The following NINJ2 variants were observed in gnomAD, a reference collection of about 807,000 sequenced individuals.
NINJ2 encodes ninjurin 2.
In NINJ2, 12 loss-of-function variants were observed where a neutral mutation model predicts 11.7. The observed-to-expected ratio is 1.02, with a 90% CI of 0.66 to 1.66. The LOEUF (loss-of-function observed/expected upper bound fraction) is 1.66. Ranked by LOEUF, NINJ2 falls within the 40% of genes most tolerant of loss-of-function variation. The pLI is 0.00. For missense variants in NINJ2, 187 were observed against 181.8 expected (o/e 1.03, Z -0.16); for synonymous variants, 93 against 76.8 (o/e 1.21, Z -1.10).
At chr12:634,677 C>T (rs1161451840) in intron 1 of NINJ2, among the ~76,000 whole-genome samples, 3 of 152,092 alleles carry the variant, frequency 2.0e-5, no homozygotes, top group East Asian at 1.9e-4. Context: ...AGAGAATGGT[C>T]GTACCCAAGA....
At chr12:635,840 C>G (rs181746184) in intron 1 of NINJ2, among the ~76,000 whole-genome samples, 5 of 152,330 alleles carry the variant, frequency 3.3e-5, no homozygotes, top group African/African-American at 1.2e-4. Flanking sequence ...TTCGGGAGGC[C>G]GAGGCGGGCA....
chr12:593,936 C>T (rs901203410), intron 1 of NINJ2, among the ~76,000 whole-genome samples: 2 of 152,102 alleles, frequency 1.3e-5, no homozygotes, highest in African/African-American at 4.8e-5. Flanking sequence ...TAGAGGGAAA[C>T]TTCCTCAACT....
At chr12:608,422 T>C (rs1311092203) in intron 1 of NINJ2, among the ~76,000 whole-genome samples, 11 of 152,236 alleles carry the variant, frequency 7.2e-5, no homozygotes, top group Admixed American at 3.9e-4. Context: ...TAAGTACATA[T>C]TTTAATTCAT....
At chr12:577,471 G>A (rs907928958) in intron 1 of NINJ2, among the ~76,000 whole-genome samples, 3 of 83,686 alleles carry the variant, frequency 3.6e-5, no homozygotes, top group Non-Finnish European at 9.0e-5. Flanking sequence ...TTGGCTCACT[G>A]CAACCTCCAC....
At position 600,614 on chromosome 12, in the gene NINJ2, A is replaced by G. The variant is rs1947852830; in HGVS notation, c.34-34436T>C. Among the ~76,000 whole-genome samples, 3 of 151,952 alleles carry G rather than the reference A, an allele frequency of 2.0e-5. No individual in the cohort carries two copies. In the South Asian group the frequency reaches 6.2e-4, roughly 32 times the overall value. On this transcript the variant is annotated intron_variant, in intron 1 of 3. Coordinates refer to ENST00000305108, the MANE Select transcript of NINJ2 (RefSeq NM_016533.6). ...GGGTGGAGTGGAGAAACAGTTTGAAATTAGACGGATGGCAAGGCGGGTGGC... is the reference window on the plus strand; with the variant it reads ...GGGTGGAGTGGAGAAACAGTTTGAAGTTAGACGGATGGCAAGGCGGGTGGC...
intron 1 of NINJ2, among the ~76,000 whole-genome samples, chr12:600,558 A>T (rs1406074932): frequency 6.6e-6 from 1 of 152,140 alleles, no homozygotes; most frequent in Non-Finnish European, 1.5e-5. Context: ...CCATCTCAAA[A>T]AATAAATAAA....
intron 1 of NINJ2, among the ~76,000 whole-genome samples, chr12:617,925 C>T (rs924826854): frequency 3.3e-5 from 5 of 152,146 alleles, no homozygotes; most frequent in Non-Finnish European, 5.9e-5. Context: ...TCTCTGGGCA[C>T]TTGGTGCCCA....
At chr12:571,474 C>T (rs936300994) in intron 1 of NINJ2, among the ~76,000 whole-genome samples, 1 of 152,210 alleles carries the variant, frequency 6.6e-6, no homozygotes, top group Non-Finnish European at 1.5e-5. Flanking sequence ...ACAGACCCAG[C>T]GGTTTGCCCC....
At position 611,275 on chromosome 12, in the gene NINJ2, C is replaced by T. The variant is rs561795562; in HGVS notation, c.34-45097G>A. 3.0e-3 allele frequency among the ~76,000 whole-genome samples: 382 copies of T among 128,344 alleles called. 3 individuals are homozygous for T. The highest frequency in any genetic ancestry group is 3.7e-3 in the Admixed American group (46 of 12,540). The allele number at this position is 128,344 out of a possible 152,430, so 84.2% of individuals were successfully genotyped here. On this transcript the variant is annotated intron_variant, in intron 1 of 3. Coordinates refer to ENST00000305108, the MANE Select transcript of NINJ2 (RefSeq NM_016533.6). Reference sequence around the variant, plus strand: ...TCTCTCTCTTTCTTTCTTTCTTTCTCTCTCTCTTTCTTTCTCTTCCTTCCT... The same window carrying T: ...TCTCTCTCTTTCTTTCTTTCTTTCTTTCTCTCTTTCTTTCTCTTCCTTCCT...
chr12:625,449 A>G (rs1297382548), intron 1 of NINJ2, among the ~76,000 whole-genome samples: 1 of 152,170 alleles, frequency 6.6e-6, no homozygotes, highest in Non-Finnish European at 1.5e-5. Context: ...GTTTTTGAGT[A>G]GAGTTCATGG....
rs1279168374 is a variant in NINJ2, at chr12:643,747, C to G, written c.33+19581G>C. 1.0e-5 allele frequency: 9 copies of G among 882,294 alleles called. 1 individual carries two copies. In the South Asian group the frequency reaches 2.1e-4, roughly 20 times the overall value. The allele number at this position is 882,294 out of a possible 1,614,324, so 54.7% of individuals were successfully genotyped here. A position where few individuals can be genotyped will look rare whatever the true frequency, so the allele number is the denominator to read the frequency against. On this transcript the variant is annotated intron_variant, in intron 1 of 3. Coordinates refer to ENST00000305108, the MANE Select transcript of NINJ2 (RefSeq NM_016533.6). ...CATCTTTTCTGGAACTCGCTCCCCC[C>G]TCACATCATGGGAGCAGTCAGTCTA...
At position 603,200 on chromosome 12, in the gene NINJ2, T is replaced by C. The variant is rs192512189; in HGVS notation, c.34-37022A>G. Among the ~76,000 whole-genome samples the C allele has an allele frequency of 2.0e-5, 3 of 152,356 alleles. No individual in the cohort carries two copies. The East Asian group carries it at 5.8e-4, about 29-fold the overall frequency. On this transcript the variant is annotated intron_variant, in intron 1 of 3. Coordinates refer to ENST00000305108, the MANE Select transcript of NINJ2 (RefSeq NM_016533.6). ...TGATGTTAAACATCTTTTCATGTGC[T>C]TATTGGCCATTTGTATATTTTCTTT...
At chr12:622,082 A>G (rs1401620156) in intron 1 of NINJ2, among the ~76,000 whole-genome samples, 1 of 144,058 alleles carries the variant, frequency 6.9e-6, no homozygotes, top group Non-Finnish European at 1.5e-5. Flanking sequence ...AGATCACGCC[A>G]CTGTACTCCA....
intron 1 of NINJ2, among the ~76,000 whole-genome samples, chr12:611,263 T>TC (rs1555165050): frequency 5.6e-4 from 71 of 126,456 alleles, no homozygotes; most frequent in African/African-American, 1.9e-3. Flanking sequence ...CTCTCTTTCT[T>TC]TCTTTCTTTC....
At chr12:594,825 C>T (rs1275848102) in intron 1 of NINJ2, among the ~76,000 whole-genome samples, 1 of 152,114 alleles carries the variant, frequency 6.6e-6, no homozygotes, top group Non-Finnish European at 1.5e-5. Flanking sequence ...TATCAACAAA[C>T]CGATTCTAAA....
intron 1 of NINJ2, among the ~76,000 whole-genome samples, chr12:605,551 C>T (rs1338466702): frequency 1.3e-5 from 2 of 151,996 alleles, no homozygotes; most frequent in African/African-American, 4.8e-5. Flanking sequence ...CAGAGCAAGA[C>T]AAAAATAAAA....
At chr12:608,555 G>T (rs7959683) in intron 1 of NINJ2, among the ~76,000 whole-genome samples, 1,766 of 152,296 alleles carry the variant, frequency 0.012, 33 homozygotes, top group African/African-American at 0.04. Context: ...GCAGAACTGG[G>T]AGTCAAACCC....
chr12:582,537 G>A (rs1477077338), intron 1 of NINJ2, among the ~76,000 whole-genome samples: 2 of 82,032 alleles, frequency 2.4e-5, no homozygotes, highest in Non-Finnish European at 2.3e-5. Flanking sequence ...ACGCAGGCAG[G>A]CAGGCATGCT....
chr12:601,380 A>G (rs1239929599), intron 1 of NINJ2, among the ~76,000 whole-genome samples: 1 of 150,290 alleles, frequency 6.7e-6, no homozygotes, highest in Admixed American at 6.6e-5. Context: ...CCCCGTCTCT[A>G]CTAAAAATAC....
Sources: gnomAD v4.1 joint callset for allele counts (sites outside exome capture counted in the v4.1 genomes callset) on GRCh38, gnomAD v4.1.1 for gene constraint, MANE v1.5 for transcripts, NCBI Gene and HGNC (gene_info 2026-07-23, HGNC 2026-07-21) for gene names.